The following GRM8 variants were observed in gnomAD, a reference collection of about 807,000 sequenced individuals.
GRM8 encodes glutamate metabotropic receptor 8, also known as metabotropic glutamate receptor 8.
A neutral mutation model predicts 87.2 loss-of-function variants in GRM8; 47 were observed. That is an observed-to-expected ratio of 0.54 (90% CI 0.43 to 0.69). The LOEUF is 0.69. Among genes scored for constraint, GRM8 ranks in the 30% least tolerant of loss-of-function variants. The pLI is 0.00. For missense variants in GRM8, 1,019 were observed against 1,139.2 expected (o/e 0.89, Z 1.52); for synonymous variants, 396 against 404.5 (o/e 0.98, Z 0.25).
intron 6 of GRM8, among the ~76,000 whole-genome samples, chr7:126,853,788 T>C (rs1797438528): frequency 6.6e-6 from 1 of 152,172 alleles, no homozygotes; most frequent in African/African-American, 2.4e-5. Context: ...CTCCCACTCC[T>C]CTCTTCACTT....
At chr7:126,535,014 A>G (rs1363195080) in intron 8 of GRM8, among the ~76,000 whole-genome samples, 1 of 152,184 alleles carries the variant, frequency 6.6e-6, no homozygotes, top group Non-Finnish European at 1.5e-5. Context: ...GGGATATGGA[A>G]ATAGAGGGTA....
At chr7:126,586,657 T>C (rs1796159837) in intron 8 of GRM8, among the ~76,000 whole-genome samples, 1 of 152,210 alleles carries the variant, frequency 6.6e-6, no homozygotes, top group Non-Finnish European at 1.5e-5. Flanking sequence ...GATCCCTTCC[T>C]TATACCTTAT....
chr7:126,552,488 T>C (rs920315005), intron 8 of GRM8, among the ~76,000 whole-genome samples: 12 of 152,152 alleles, frequency 7.9e-5, no homozygotes, highest in Non-Finnish European at 1.5e-4. Context: ...ATATGTGCTA[T>C]CATTCTTTGG....
At chr7:126,619,397 A>G (rs1407389015) in intron 7 of GRM8, among the ~76,000 whole-genome samples, 3 of 152,290 alleles carry the variant, frequency 2.0e-5, no homozygotes, top group Middle Eastern at 3.4e-3. Context: ...GTGGGGAGGG[A>G]AAGCATTAAG....
chr7:126,635,557 T>C (rs1801774261), intron 7 of GRM8, among the ~76,000 whole-genome samples: 1 of 152,162 alleles, frequency 6.6e-6, no homozygotes, highest in Non-Finnish European at 1.5e-5. Context: ...TCACAAAATG[T>C]ATTCTTTCAG....
chr7:127,119,490 TC>T (rs1269756304), intron 2 of GRM8, among the ~76,000 whole-genome samples: 4 of 150,976 alleles, frequency 2.6e-5, no homozygotes, highest in African/African-American at 9.8e-5. Context: ...TGTCTCTCTC[TC>T]TCTCTCTCTC....
chr7:126,577,640 T>C (rs1307116197), intron 8 of GRM8, among the ~76,000 whole-genome samples: 1 of 152,046 alleles, frequency 6.6e-6, no homozygotes, highest in Non-Finnish European at 1.5e-5. Context: ...CATGGAACTA[T>C]AACATAATGT....
At chr7:126,967,149 T>C (rs924866803) in intron 3 of GRM8, among the ~76,000 whole-genome samples, 1 of 118,836 alleles carries the variant, frequency 8.4e-6, no homozygotes, top group African/African-American at 3.4e-5. Context: ...CACTGCCTTG[T>C]TTACTCTGTG....
At chr7:126,589,133 G>A (rs922475931) in intron 8 of GRM8, among the ~76,000 whole-genome samples, 6 of 152,204 alleles carry the variant, frequency 3.9e-5, no homozygotes, top group African/African-American at 9.6e-5. Context: ...ACTTGGGGGA[G>A]AGAGTGAATC....
At chr7:127,170,052 A>C (rs2116313660) in intron 2 of GRM8, among the ~76,000 whole-genome samples, 1 of 152,330 alleles carries the variant, frequency 6.6e-6, no homozygotes, top group South Asian at 2.1e-4. Flanking sequence ...CTTATTGTTA[A>C]GAAATATATT....
chr7:127,223,347 C>A (rs1278698854), intron 2 of GRM8, among the ~76,000 whole-genome samples: 5 of 151,756 alleles, frequency 3.3e-5, no homozygotes, highest in Non-Finnish European at 7.4e-5. Flanking sequence ...TCCAAAGAAC[C>A]AGGAAAGGGG....
At chr7:126,961,632 A>C (rs147068538) in intron 3 of GRM8, among the ~76,000 whole-genome samples, 1 of 152,324 alleles carries the variant, frequency 6.6e-6, no homozygotes, top group African/African-American at 2.4e-5. Flanking sequence ...TCTCAGACAC[A>C]GCAGATCCCA....
chr7:127,168,398 G>A (rs1315798897), intron 2 of GRM8, among the ~76,000 whole-genome samples: 2 of 152,178 alleles, frequency 1.3e-5, no homozygotes, highest in Non-Finnish European at 2.9e-5. Flanking sequence ...CTTTTACACT[G>A]TTGGTGGGAG....
At chr7:126,543,043 G>A (rs1393505542) in intron 8 of GRM8, among the ~76,000 whole-genome samples, 1 of 152,134 alleles carries the variant, frequency 6.6e-6, no homozygotes, top group Non-Finnish European at 1.5e-5. Flanking sequence ...TCTTTCCACT[G>A]CATACATAAA....
intron 6 of GRM8, among the ~76,000 whole-genome samples, chr7:126,772,096 T>C (rs1012277424): frequency 6.6e-6 from 1 of 152,046 alleles, no homozygotes; most frequent in Non-Finnish European, 1.5e-5. Flanking sequence ...CATAAGTAAA[T>C]ACTGAAGGAT....
At chr7:127,015,061 G>C (rs1328868577) in intron 3 of GRM8, among the ~76,000 whole-genome samples, 5 of 98,480 alleles carry the variant, frequency 5.1e-5, no homozygotes. Flanking sequence ...AGAAGAAGAA[G>C]AAGAAGAAAG....
intron 7 of GRM8, among the ~76,000 whole-genome samples, chr7:126,629,594 T>C (rs886213861): frequency 6.6e-6 from 1 of 152,128 alleles, no homozygotes; most frequent in Non-Finnish European, 1.5e-5. Flanking sequence ...TGCCTAAGTG[T>C]CTAAAGAAAT....
rs513 is a variant in GRM8 at position 126,456,519 on chromosome 7, T to TAAAAAAAAAAAAAAAAAAAAAAA, written c.2431-10170_2431-10148dup. 9.8e-4 allele frequency among the ~76,000 whole-genome samples: 68 copies of TAAAAAAAAAAAAAAAAAAAAAAA among 69,680 alleles called. 6 individuals carry two copies. The highest frequency in any genetic ancestry group is 7.5e-3 in the Middle Eastern group (1 of 134). The allele number at this position is 69,680 out of a possible 152,430, so 45.7% of individuals were successfully genotyped here. A position where few individuals can be genotyped will look rare whatever the true frequency, so the allele number is the denominator to read the frequency against. ...TCCTAAGTGTAAGAAAGCAGCAAGCTAAAAAAAAAAAAAAAAAAAAAAAAA... is the reference window on the plus strand; with the variant it reads ...TCCTAAGTGTAAGAAAGCAGCAAGCTAAAAAAAAAAAAAAAAAAAAAAAAAAAAAAAAAAAAAAAAAAAAAAAA... On this transcript the variant is annotated intron_variant, in intron 9 of 10. Transcript: ENST00000339582.
intron 7 of GRM8, among the ~76,000 whole-genome samples, chr7:126,740,800 A>T (rs1814883836): frequency 6.6e-6 from 1 of 152,142 alleles, no homozygotes; most frequent in African/African-American, 2.4e-5. Context: ...TATTTTTGTT[A>T]ACCTGCCATA....
Sources: gnomAD v4.1 joint callset for allele counts (sites outside exome capture counted in the v4.1 genomes callset) on GRCh38, gnomAD v4.1.1 for gene constraint, MANE v1.5 for transcripts, NCBI Gene and HGNC (gene_info 2026-07-23, HGNC 2026-07-21) for gene names.